Variants in ETFBKMT observed in about 807,000 individuals in gnomAD.
ETFBKMT encodes the protein electron transfer flavoprotein beta subunit lysine methyltransferase.
ETFBKMT carries 13 observed loss-of-function variants against 18.3 expected under a neutral mutation model. The observed-to-expected ratio is 0.71, with a 90% CI of 0.46 to 1.13. The LOEUF is 1.13. Among genes scored for constraint, ETFBKMT ranks in the 50% most tolerant of loss-of-function variants. ETFBKMT has a pLI of 0.00. For missense variants in ETFBKMT, 293 were observed against 306.2 expected, an observed-to-expected ratio of 0.96 and a Z score of 0.32; for synonymous variants, 84 against 107.9, an observed-to-expected ratio of 0.78 and a Z score of 1.37.
At chr12:31,654,811 T>G (rs1300707989), upstream of ETFBKMT, among the ~76,000 whole-genome samples, 4 of 152,056 alleles carry the variant, frequency 2.6e-5, no homozygotes, top group African/African-American at 9.7e-5. Context: ...AACCCAGCAC[T>G]TCGGGAGGCT....
chr12:31,663,097 T>G (rs4930986), intron 2 of ETFBKMT, among the ~76,000 whole-genome samples: 62 of 148,056 alleles, frequency 4.2e-4, no homozygotes, highest in Non-Finnish European at 6.7e-4. Context: ...CAAAAAAAAA[T>G]TTTTTTTTTT....
chr12:31,657,763 G>A (rs1440517937), upstream of ETFBKMT, among the ~76,000 whole-genome samples: 1 of 138,830 alleles, frequency 7.2e-6, no homozygotes, highest in African/African-American at 2.7e-5. Context: ...CTGCACTCCA[G>A]CCTGGGCGAC....
At chr12:31,655,072 A>AC (rs1214947057), upstream of ETFBKMT, among the ~76,000 whole-genome samples, 1 of 67,850 alleles carries the variant, frequency 1.5e-5, no homozygotes, top group Non-Finnish European at 3.4e-5. Flanking sequence ...CAAACAAACA[A>AC]ACAAAAAAAC....
At chr12:31,660,210 A>G (rs1439713221) in intron 1 of ETFBKMT, 2 of 148,144 alleles carry the variant, frequency 1.4e-5, no homozygotes, top group Non-Finnish European at 3.0e-5. Flanking sequence ...ATGTGTCAAT[A>G]TCTAGATTTT....
At chr12:31,647,361 A>C (rs1950977287) in intron 1 of ETFBKMT, 2 of 152,032 alleles carry the variant, frequency 1.3e-5, no homozygotes, top group South Asian at 4.2e-4. Flanking sequence ...CTCATTACCG[A>C]GTCTACGTCC....
chr12:31,665,367 G>T (rs1003590626), intron 2 of ETFBKMT, among the ~76,000 whole-genome samples: 4 of 152,212 alleles, frequency 2.6e-5, no homozygotes, highest in Non-Finnish European at 5.9e-5. Flanking sequence ...CCCAGCTCTG[G>T]AGATGGACTT....
chr12:31,650,626 C>CT (rs543201341), intron 1 of ETFBKMT, among the ~76,000 whole-genome samples: 5 of 140,640 alleles, frequency 3.6e-5, no homozygotes, highest in Non-Finnish European at 6.1e-5. Context: ...AATGACCTGA[C>CT]CTTTTTTTTT....
chr12:31,654,926 C>T (rs1951047537), upstream of ETFBKMT, among the ~76,000 whole-genome samples: 1 of 151,834 alleles, frequency 6.6e-6, no homozygotes, highest in Admixed American at 6.6e-5. Flanking sequence ...TGTGGTGGTT[C>T]ACGCCTGTAA....
At chr12:31,655,245 G>A (rs1331466944), upstream of ETFBKMT, among the ~76,000 whole-genome samples, 1 of 152,066 alleles carries the variant, frequency 6.6e-6, no homozygotes, top group Non-Finnish European at 1.5e-5. Context: ...TTATGCCAAA[G>A]GGAAAATTAA....
rs1390191835 is a variant in ETFBKMT, at chr12:31,661,945, A to C, written c.-9A>C. ...ACATTGACAGAACCTGTGTTTGGGG[A>C]AAGGACTGATGGCTTTGAGTCTAGG... On this transcript the variant is annotated 5_prime_UTR_variant, in exon 2 of 4. Coordinates refer to ENST00000357721, the MANE Select transcript of ETFBKMT (RefSeq NM_001135863.2). The C allele has an allele frequency of 6.2e-7, 1 of 1,611,022 alleles. No homozygotes were observed. Among genetic ancestry groups the C allele is most frequent in the Non-Finnish European group, 8.5e-7 (1 of 1,178,292 alleles).
rs1222337480 is a variant in ETFBKMT at position 31,672,216 on chromosome 12, A to G, written c.*4226A>G. The stretch of plus-strand genomic sequence containing the variant: ...TAAAATAATTAAAAATAGTGTTAAC[A>G]TTAAGTAGAATGCAAATCTCTATAG... On this transcript the variant is annotated 3_prime_UTR_variant, in exon 4 of 4. Coordinates refer to ENST00000357721, the MANE Select transcript of ETFBKMT (RefSeq NM_001135863.2). The G allele has an allele frequency of 3.2e-5, 27 of 853,560 alleles. No individual in the cohort carries two copies. Among genetic ancestry groups the G allele is most frequent in the Non-Finnish European group, 1.9e-6 (1 of 524,682 alleles). 52.9% of individuals were successfully genotyped at this position (853,560 alleles called of 1,614,324 possible).
upstream of ETFBKMT, among the ~76,000 whole-genome samples, chr12:31,656,111 G>A (rs184424985): frequency 3.9e-5 from 6 of 152,278 alleles, no homozygotes; most frequent in East Asian, 7.7e-4. Context: ...GCTAAAAGAG[G>A]TATGACATGG....
rs1027399098 is a variant in ETFBKMT, at chr12:31,659,752, A to C, written c.-151A>C. On this transcript the variant is annotated 5_prime_UTR_variant, in exon 1 of 4. The change abolishes the stop of an existing upstream ORF in the 5' untranslated region. Coordinates refer to ENST00000357721, the MANE Select transcript of ETFBKMT (RefSeq NM_001135863.2). ...CCCAGGACACTGATGTGGGGTAACT[A>C]ACACCCACTGGAAGTCTACGCTGAG... 1 of 152,316 alleles carries C rather than the reference A, an allele frequency of 6.6e-6. No individual in the cohort carries two copies. The highest frequency in any genetic ancestry group is 2.4e-5 in the African/African-American group (1 of 41,450). 9.4% of individuals were successfully genotyped at this position (152,316 alleles called of 1,614,324 possible).
intron 1 of ETFBKMT, among the ~76,000 whole-genome samples, chr12:31,647,726 A>G (rs6488000): frequency 0.98 from 149,937 of 152,224 alleles, 73,896 homozygotes; most frequent in Middle Eastern, 1. Context: ...CTACTCGGGA[A>G]GCTGGGACAG....
Position 31,666,246 on chromosome 12 carries a change from G to C in ETFBKMT, c.445+29G>C, listed in dbSNP as rs750433287. Reference sequence around the variant, plus strand: ...AGGATTCATATTTTAAAATATTTAAGGCTCATCTTTTTTTTTTCTCTGGGA... The same window carrying C: ...AGGATTCATATTTTAAAATATTTAACGCTCATCTTTTTTTTTTCTCTGGGA... On this transcript the variant is annotated intron_variant, in intron 3 of 3. Coordinates refer to ENST00000357721, the MANE Select transcript of ETFBKMT (RefSeq NM_001135863.2). The C allele has an allele frequency of 1.2e-5, 19 of 1,591,440 alleles. No homozygotes were observed. The Middle Eastern group carries it at 2.4e-3, about 198-fold the overall frequency.
intron 2 of ETFBKMT, among the ~76,000 whole-genome samples, chr12:31,662,508 T>C (rs1292487088): frequency 6.9e-6 from 1 of 145,048 alleles, no homozygotes; most frequent in African/African-American, 2.7e-5. Flanking sequence ...TTTCTTTCTT[T>C]TTTTTTTTTT....
At position 31,662,246 on chromosome 12, in the gene ETFBKMT, C is replaced by T. The variant is rs1203559030; in HGVS notation, c.293C>T (p.Pro98Leu). Residue 98 changes from proline (P) to leucine (L), a missense_variant, in exon 2 of 4, where the codon CCA becomes CTA. Pro to Leu is a moderately conservative substitution (Grantham distance 98). Coordinates refer to ENST00000357721, the MANE Select transcript of ETFBKMT (RefSeq NM_001135863.2). The stretch of plus-strand genomic sequence containing the variant: ...GATCCTTACTGGGCAATCTACTGGC[C>T]AGGAGGCCAAGCCCTGTCTAGGTAC... ...HSDPYWAIYWPGGQALSRYLL... is the reference protein window; with the variant it reads ...HSDPYWAIYWLGGQALSRYLL... 3 of 1,614,022 alleles carry T rather than the reference C, an allele frequency of 1.9e-6. No homozygotes were observed. The highest frequency in any genetic ancestry group is 3.3e-5 in the Admixed American group (2 of 60,004).
intron 2 of ETFBKMT, among the ~76,000 whole-genome samples, chr12:31,663,173 A>G (rs1335647199): frequency 4.0e-5 from 6 of 151,450 alleles, no homozygotes; most frequent in Non-Finnish European, 7.4e-5. Flanking sequence ...GCTCACTGCA[A>G]GCCCCGCCTC....
rs1951136909 is a variant in ETFBKMT at position 31,662,411 on chromosome 12, T to C, written c.314+144T>C. ...ACTTTGGGAGGCTGAGGCTGTAAGC[T>C]GTGATCCTGCCACTGCACTCTCGCC... On this transcript the variant is annotated intron_variant, in intron 2 of 3. Coordinates refer to ENST00000357721, the MANE Select transcript of ETFBKMT (RefSeq NM_001135863.2). 5 of 717,788 alleles carry C rather than the reference T, an allele frequency of 7.0e-6. No homozygotes were observed. The East Asian group carries it at 1.1e-4, about 16-fold the overall frequency. The allele number at this position is 717,788 out of a possible 1,614,324, so 44.5% of individuals were successfully genotyped here.
Sources: allele counts gnomAD v4.1 joint callset (sites outside exome capture counted in the v4.1 genomes callset), GRCh38; gene constraint gnomAD v4.1.1; transcripts MANE v1.5; gene names NCBI Gene and HGNC (gene_info 2026-07-23, HGNC 2026-07-21).